The following NEK1 variants were observed in gnomAD, a reference collection of about 807,000 sequenced individuals.
NEK1 encodes the protein NIMA related kinase 1, also known as serine/threonine-protein kinase Nek1.
A neutral mutation model predicts 182.1 loss-of-function variants in NEK1; 137 were observed. The observed-to-expected ratio is 0.75, with a 90% CI of 0.65 to 0.87. The LOEUF (loss-of-function observed/expected upper bound fraction) is 0.87, where lower values mean the gene tolerates loss of function less well. NEK1 is among the 40% of genes least tolerant of loss of function. The pLI, the probability that NEK1 is intolerant of heterozygous loss-of-function variation, is 0.00. For missense variants in NEK1, 1,391 were observed against 1,494.4 expected (o/e 0.93, Z 1.14); for synonymous variants, 513 against 492.2 (o/e 1.04, Z -0.56).
intron 19 of NEK1, among the ~76,000 whole-genome samples, chr4:169,530,579 A>C (rs1014903527): frequency 8.5e-5 from 13 of 152,114 alleles, no homozygotes; most frequent in Non-Finnish European, 1.3e-4. Context: ...TACATTTTTG[A>C]CTAAATATTT....
rs368690223 is a variant in NEK1, at chr4:169,423,253, C to T, written c.3222+1300G>A. Reference sequence around the variant, plus strand: ...AAATAGCTGGGATTACAGGCCCACACGACCACGCCCAGCTAATTTTTGTAT... The same window carrying T: ...AAATAGCTGGGATTACAGGCCCACATGACCACGCCCAGCTAATTTTTGTAT... On this transcript the variant is annotated intron_variant, in intron 31 of 35. Transcript: ENST00000507142. 2.3e-3 allele frequency among the ~76,000 whole-genome samples: 357 copies of T among 152,250 alleles called. 2 individuals carry two copies. Among genetic ancestry groups the T allele is most frequent in the Non-Finnish European group, 4.2e-3 (287 of 68,008 alleles).
chr4:169,589,667 C>A (rs1370154473), intron 6 of NEK1, among the ~76,000 whole-genome samples, 153 bp from the exon 7 acceptor site: 1 of 152,052 alleles, frequency 6.6e-6, no homozygotes, highest in African/African-American at 2.4e-5. Flanking sequence ...TCCCCTACCT[C>A]AAATCATAAA....
At chr4:169,412,488 T>C (rs146873191) in intron 31 of NEK1, among the ~76,000 whole-genome samples, 293 of 152,298 alleles carry the variant, frequency 1.9e-3, no homozygotes, top group Middle Eastern at 3.4e-3. Context: ...AGCTTTATGG[T>C]AGAGAATGAA....
At chr4:169,577,488 C>T (rs564909735) in intron 11 of NEK1, among the ~76,000 whole-genome samples, 34 of 152,242 alleles carry the variant, frequency 2.2e-4, no homozygotes, top group Non-Finnish European at 4.3e-4. Context: ...AAAATAAAGG[C>T]CAAGCGCGGT....
At chr4:169,556,141 TAACAGGCCTGTACTAGTCTCA>T (rs1193570555) in intron 16 of NEK1, 46 bp from the exon 17 acceptor site, 3 of 1,560,674 alleles carry the variant, frequency 1.9e-6, no homozygotes, top group African/African-American at 1.4e-5. Context: ...TTATAAGGCC[TAACAGGCCTGTACTAGTCTCA>T]AAAGAAAAAG....
chr4:169,523,607 ACT>A (rs1307807826), intron 19 of NEK1, among the ~76,000 whole-genome samples: 1 of 151,858 alleles, frequency 6.6e-6, no homozygotes, highest in Non-Finnish European at 1.5e-5. Context: ...TGCCCTGAAA[ACT>A]CTGAGATAAT....
At chr4:169,417,191 C>T (rs1364882611) in intron 31 of NEK1, among the ~76,000 whole-genome samples, 2 of 152,146 alleles carry the variant, frequency 1.3e-5, no homozygotes, top group Non-Finnish European at 2.9e-5. Flanking sequence ...GCCAGGGTAA[C>T]AGCAAGTGCA....
At chr4:169,588,081 T>C (rs897622146) in intron 8 of NEK1, among the ~76,000 whole-genome samples, 13 of 152,132 alleles carry the variant, frequency 8.5e-5, no homozygotes, top group East Asian at 1.9e-4. Context: ...AATGGTAGAA[T>C]TGCTCTTTCT....
At chr4:169,610,943 A>G (rs187489788) in intron 2 of NEK1, among the ~76,000 whole-genome samples, 3 of 152,368 alleles carry the variant, frequency 2.0e-5, no homozygotes, top group Admixed American at 2.0e-4. Context: ...TCTCAGGAAA[A>G]AAGTTCTTTA....
chr4:169,478,300 T>C (rs770378673), intron 24 of NEK1: 2 of 152,044 alleles, frequency 1.3e-5, no homozygotes, highest in African/African-American at 2.4e-5. Flanking sequence ...ATTAAAAATT[T>C]GGTGGTCAGT....
chr4:169,544,760 T>A (rs1212126405), intron 18 of NEK1, among the ~76,000 whole-genome samples: 1 of 152,026 alleles, frequency 6.6e-6, no homozygotes, highest in African/African-American at 2.4e-5. Context: ...ATTTTCTAGT[T>A]TATTTGTGTA....
At chr4:169,601,959 T>A in intron 4 of NEK1, 49 bp downstream of exon 4, 2 of 1,325,308 alleles carry the variant, frequency 1.5e-6, no homozygotes, top group South Asian at 1.2e-5. Flanking sequence ...CACAAAAAGA[T>A]TTATTAATGT....
chr4:169,561,938 T>C, intron 13 of NEK1, 47 bp from the exon 14 acceptor site: 1 of 1,520,500 alleles, frequency 6.6e-7, no homozygotes, highest in Non-Finnish European at 8.9e-7. Flanking sequence ...TTCCTGTTTT[T>C]TCTAGTTTCA....
chr4:169,591,854 T>C (rs1482189320), intron 5 of NEK1, among the ~76,000 whole-genome samples: 2 of 152,230 alleles, frequency 1.3e-5, no homozygotes, highest in African/African-American at 2.4e-5. Context: ...TAATAATAAT[T>C]TGAGAAAATA....
At chr4:169,590,555 T>C (rs1007117618) in intron 6 of NEK1, among the ~76,000 whole-genome samples, 171 bp downstream of exon 6, 2 of 151,808 alleles carry the variant, frequency 1.3e-5, no homozygotes, top group Non-Finnish European at 2.9e-5. Flanking sequence ...TTTTAGAGTA[T>C]GGGAAGCAAG....
chr4:169,511,587 A>C (rs1754191227), intron 19 of NEK1, among the ~76,000 whole-genome samples: 1 of 152,090 alleles, frequency 6.6e-6, no homozygotes, highest in African/African-American at 2.4e-5. Context: ...CCTTTCCCAA[A>C]TTTCTCATCT....
intron 29 of NEK1, among the ~76,000 whole-genome samples, chr4:169,430,099 C>T (rs778667225): frequency 2.0e-5 from 3 of 152,030 alleles, no homozygotes; most frequent in Non-Finnish European, 2.9e-5. Context: ...TATCAAACAC[C>T]GGTTTTCTAT....
intron 19 of NEK1, among the ~76,000 whole-genome samples, chr4:169,510,007 C>T (rs1268247570): frequency 2.0e-5 from 3 of 152,118 alleles, no homozygotes; most frequent in Non-Finnish European, 4.4e-5. Context: ...TCATAACACT[C>T]CACTATACAA....
intron 27 of NEK1, among the ~76,000 whole-genome samples, chr4:169,448,569 C>A (rs1431184921): frequency 1.3e-5 from 2 of 152,238 alleles, no homozygotes; most frequent in African/African-American, 4.8e-5. Flanking sequence ...AAACAAATAA[C>A]AAAATGGCAG....
Sources: gnomAD v4.1 joint callset for allele counts (sites outside exome capture counted in the v4.1 genomes callset) on GRCh38, gnomAD v4.1.1 for gene constraint, MANE v1.5 for transcripts, NCBI Gene and HGNC (gene_info 2026-07-23, HGNC 2026-07-21) for gene names.